Variants in TANC2 observed in about 807,000 individuals in gnomAD.
The protein encoded by TANC2 is protein TANC2.
TANC2 carries 26 observed loss-of-function variants against 210.5 expected under a neutral mutation model. That is an observed-to-expected ratio of 0.12 (90% CI 0.09 to 0.17). The LOEUF is 0.17. Ranked by LOEUF, TANC2 falls within the 10% of genes least tolerant of loss-of-function variation. The probability of loss-of-function intolerance (pLI) is 1.00; values close to 1 mark genes in which losing one functional copy is unlikely to be tolerated. For missense variants in TANC2, 2,129 were observed against 2,608.9 expected, an observed-to-expected ratio of 0.82 and a Z score of 4.01; for synonymous variants, 931 against 967.1, an observed-to-expected ratio of 0.96 and a Z score of 0.69.
At chr17:63,179,188 A>G (rs1184191056) in intron 5 of TANC2, among the ~76,000 whole-genome samples, 1 of 152,186 alleles carries the variant, frequency 6.6e-6, no homozygotes, top group African/African-American at 2.4e-5. Context: ...AGAATAAGGG[A>G]CTGTGCTCAT....
rs542526697 is a variant in TANC2 at position 63,366,872 on chromosome 17, G to A, written c.2582+11482G>A. ...GTTACTGACTGTTAAGTGAAAAATG[G>A]AAGAAATAATTTTCGCCAAGAAGCA... On this transcript the variant is annotated intron_variant, in intron 14 of 27. Transcript: ENST00000689528. 3.3e-5 allele frequency among the ~76,000 whole-genome samples: 5 copies of A among 152,298 alleles called. No individual in the cohort carries two copies. In the South Asian group the frequency reaches 8.3e-4, roughly 25 times the overall value.
At chr17:63,384,034 A>G (rs576314723) in intron 15 of TANC2, among the ~76,000 whole-genome samples, 1 of 152,246 alleles carries the variant, frequency 6.6e-6, no homozygotes, top group South Asian at 2.1e-4. Context: ...GTCTCTCTTA[A>G]TTCCTGACTG....
intron 5 of TANC2, among the ~76,000 whole-genome samples, chr17:63,175,057 G>A (rs2040529652): frequency 6.6e-6 from 1 of 152,130 alleles, no homozygotes; most frequent in African/African-American, 2.4e-5. Context: ...CCCAAATTGA[G>A]TGAACATAAT....
intron 9 of TANC2, among the ~76,000 whole-genome samples, chr17:63,283,263 A>G (rs896549509): frequency 6.6e-6 from 1 of 151,924 alleles, no homozygotes; most frequent in African/African-American, 2.4e-5. Context: ...CCTTTGTTAA[A>G]AATTATTCAT....
chr17:63,193,863 A>G (rs138468576), intron 5 of TANC2, 128 bp from the exon 6 acceptor site: 3 of 1,108,992 alleles, frequency 2.7e-6, no homozygotes, highest in Non-Finnish European at 3.6e-6. Context: ...GAAAAACCTC[A>G]TAACTTTGTA....
chr17:63,318,732 A>C (rs151003938), intron 10 of TANC2, among the ~76,000 whole-genome samples: 1 of 152,112 alleles, frequency 6.6e-6, no homozygotes, highest in Non-Finnish European at 1.5e-5. Flanking sequence ...TATTTCATCT[A>C]TTCATCAGTT....
chr17:63,389,318 T>C (rs2047887547), exon 17 of TANC2: 1 of 1,610,368 alleles, frequency 6.2e-7, no homozygotes, highest in Admixed American at 1.7e-5. Flanking sequence ...GTCAGCCGAC[T>C]GCTGATTTTG....
chr17:63,347,725 ACTTTTG>A (rs1259128975), intron 12 of TANC2, among the ~76,000 whole-genome samples: 1 of 152,204 alleles, frequency 6.6e-6, no homozygotes, highest in African/African-American at 2.4e-5. Context: ...TTCTCAGTAC[ACTTTTG>A]CTTTAGCTAC....
At chr17:63,245,644 C>T (rs984472738) in intron 8 of TANC2, among the ~76,000 whole-genome samples, 4 of 151,954 alleles carry the variant, frequency 2.6e-5, no homozygotes, top group Non-Finnish European at 5.9e-5. Context: ...AGTTCAAGAC[C>T]AGCCTGGCCA....
intron 10 of TANC2, among the ~76,000 whole-genome samples, chr17:63,315,821 A>G (rs1598839241): frequency 6.6e-6 from 1 of 152,212 alleles, no homozygotes; most frequent in Non-Finnish European, 1.5e-5. Flanking sequence ...TGATAAACTT[A>G]TGGATGTCTA....
chr17:62,967,886 G>A (rs2031448987), intron 1 of TANC2, among the ~76,000 whole-genome samples: 1 of 151,864 alleles, frequency 6.6e-6, no homozygotes, highest in Admixed American at 6.6e-5. Context: ...CATGGATACT[G>A]TCAGTGGAGT....
At chr17:63,099,504 C>A (rs1224027118) in intron 4 of TANC2, 147 bp downstream of exon 4, 2 of 384,786 alleles carry the variant, frequency 5.2e-6, no homozygotes, top group Non-Finnish European at 9.0e-6. Flanking sequence ...AAAAAAAAAA[C>A]TCCAACTGAT....
Position 63,379,706 on chromosome 17 carries a change from C to G in TANC2, c.2583-12C>G. 1 of 1,567,898 alleles carries G rather than the reference C, an allele frequency of 6.4e-7. No homozygotes were observed. Among genetic ancestry groups the G allele is most frequent in the African/African-American group, 1.4e-5 (1 of 72,634 alleles). Reference sequence around the variant, plus strand: ...AATTAATTAATTAAAATGAATTTCTCTTTTTTTGCAGGAGTGGTCACACGT... The same window carrying G: ...AATTAATTAATTAAAATGAATTTCTGTTTTTTTGCAGGAGTGGTCACACGT... On this transcript the variant is annotated splice_polypyrimidine_tract_variant and intron_variant, in intron 14 of 27. Transcript: ENST00000689528.
At chr17:63,416,889 T>G (rs540578210) in intron 26 of TANC2, among the ~76,000 whole-genome samples, 130 of 152,294 alleles carry the variant, frequency 8.5e-4, no homozygotes, top group Non-Finnish European at 1.1e-3. Context: ...TGGGGTCTCC[T>G]GTGAAATGAA....
chr17:63,218,066 T>G (rs2042070959), intron 7 of TANC2, among the ~76,000 whole-genome samples: 1 of 152,108 alleles, frequency 6.6e-6, no homozygotes, highest in Non-Finnish European at 1.5e-5. Context: ...GGAGGATCAC[T>G]TGAGGCCAGA....
intron 9 of TANC2, among the ~76,000 whole-genome samples, chr17:63,298,180 T>A (rs1406160234): frequency 6.6e-6 from 1 of 152,222 alleles, no homozygotes; most frequent in Non-Finnish European, 1.5e-5. Flanking sequence ...AATTGCTATA[T>A]GATCCAGTAA....
exon 7 of TANC2, chr17:63,200,838 C>T (rs1598593383): frequency 6.2e-7 from 1 of 1,613,882 alleles, no homozygotes; most frequent in Non-Finnish European, 8.5e-7. Context: ...TCTCCACCAG[C>T]CAGTAGCCCC....
At chr17:63,198,905 C>T (rs909329296) in intron 6 of TANC2, among the ~76,000 whole-genome samples, 6 of 152,122 alleles carry the variant, frequency 3.9e-5, no homozygotes, top group South Asian at 2.1e-4. Context: ...AATTTGGATA[C>T]GTTTGAGAGC....
chr17:63,170,328 G>A (rs574481587), intron 5 of TANC2, among the ~76,000 whole-genome samples: 4 of 150,970 alleles, frequency 2.6e-5, no homozygotes, highest in Non-Finnish European at 4.4e-5. Flanking sequence ...CCAGCTACTC[G>A]GGAGGCTCAG....
Sources: allele counts gnomAD v4.1 joint callset (sites outside exome capture counted in the v4.1 genomes callset), GRCh38; gene constraint gnomAD v4.1.1; transcripts MANE v1.5; gene names NCBI Gene and HGNC (gene_info 2026-07-23, HGNC 2026-07-21).